OGN: variants seen among roughly 807,000 people sequenced by gnomAD.
The protein encoded by OGN is osteoglycin.
Under a neutral mutation model 30.8 loss-of-function variants are expected in OGN, and 19 were observed. That is an observed-to-expected ratio of 0.62 (90% CI 0.43 to 0.90). The LOEUF is 0.90. Ranked by LOEUF, OGN falls within the 40% of genes least tolerant of loss-of-function variation. The pLI is 0.00. For synonymous variants in OGN, 126 were observed against 128.3 expected (o/e 0.98, Z 0.12); for missense variants, 283 against 349.7 (o/e 0.81, Z 1.52).
chr9:92,399,232 A>G (rs1018855650), intron 3 of OGN, among the ~76,000 whole-genome samples: 2 of 152,082 alleles, frequency 1.3e-5, no homozygotes, highest in African/African-American at 4.8e-5. Context: ...ATGTGTTGTC[A>G]TACTTCAATT....
chr9:92,393,419 A>G (rs756655932), intron 3 of OGN, among the ~76,000 whole-genome samples, 175 bp from the exon 4 acceptor site: 12 of 152,194 alleles, frequency 7.9e-5, no homozygotes, highest in Non-Finnish European at 1.8e-4. Flanking sequence ...ATAATTCACC[A>G]GAATATTGTT....
chr9:92,401,188 A>G lies in OGN; in HGVS notation c.175-3T>C. Reference sequence around the variant, plus strand: ...GGTATTATCACAGTTTCTTTTTCCTATTGGAAAAATAAAAGTTTGTTACCT... The same window carrying G: ...GGTATTATCACAGTTTCTTTTTCCTGTTGGAAAAATAAAAGTTTGTTACCT... On this transcript the variant is annotated splice_region_variant and splice_polypyrimidine_tract_variant and intron_variant, in intron 2 of 6. Transcript: ENST00000375561. 7.3e-7 allele frequency: 1 copy of G among 1,370,142 alleles called. No individual in the cohort carries two copies. Among genetic ancestry groups the G allele is most frequent in the Non-Finnish European group, 1.0e-6 (1 of 966,882 alleles). The allele number at this position is 1,370,142 out of a possible 1,614,324, so 84.9% of individuals were successfully genotyped here.
In OGN at chr9:92,393,207, G is replaced by A. The variant is rs780638690; in HGVS notation, c.306C>T (p.Gly102=). 1.2e-6 allele frequency: 2 copies of A among 1,609,668 alleles called. No individual in the cohort carries two copies. Among genetic ancestry groups the A allele is most frequent in the Admixed American group, 3.3e-5 (2 of 59,768 alleles). The change falls in exon 4 of 7, where the codon GGC becomes GGT. Residue 102 remains glycine (G), a synonymous_variant. Coordinates refer to ENST00000375561, the MANE Select transcript of OGN (RefSeq NM_014057.5). ...PTCLLCVCLS[G]SVYCEEVDID... The stretch of plus-strand genomic sequence containing the variant: ...TGTCAACTTCTTCACAGTATACAGA[G>A]CCACTTAAACAAACACACAGCAGAC...
chr9:92,390,593 C>T (rs892660621), intron 4 of OGN, among the ~76,000 whole-genome samples: 3 of 144,372 alleles, frequency 2.1e-5, no homozygotes, highest in South Asian at 2.3e-4. Context: ...TGTGTGCGCG[C>T]GCGCGTACTT....
At chr9:92,400,219 C>A (rs573017566) in intron 3 of OGN, among the ~76,000 whole-genome samples, 1 of 152,106 alleles carries the variant, frequency 6.6e-6, no homozygotes, top group Non-Finnish European at 1.5e-5. Flanking sequence ...GGCACGACCT[C>A]GGCTCACCGC....
rs550016368 is a variant in OGN, at chr9:92,404,448, G to A, written c.-76+48C>T. 3.4e-5 allele frequency: 39 copies of A among 1,154,568 alleles called. No homozygotes were observed. In the African/African-American group the frequency reaches 4.5e-4, roughly 13 times the overall value. The allele number at this position is 1,154,568 out of a possible 1,614,324, so 71.5% of individuals were successfully genotyped here. A position where few individuals can be genotyped will look rare whatever the true frequency, so the allele number is the denominator to read the frequency against. ...ATTAAGACTATTAGATGAGTCAGTCGCACTTTAACAAACAATATTTAAAAT... is the reference window on the plus strand; with the variant it reads ...ATTAAGACTATTAGATGAGTCAGTCACACTTTAACAAACAATATTTAAAAT... On this transcript the variant is annotated intron_variant, in intron 1 of 6. Transcript: ENST00000375561.
In OGN at chr9:92,403,422, A is replaced by T; in HGVS notation, c.-15T>A. The T allele has an allele frequency of 6.3e-7, 1 of 1,591,736 alleles. No individual in the cohort carries two copies. On this transcript the variant is annotated 5_prime_UTR_variant, in exon 2 of 7. In the 5' UTR this introduces an upstream ATG that the reference lacks. Transcript: ENST00000375561. Reference sequence around the variant, plus strand: ...AGAGTCTTCATTTTAGCAAAAATCAAGGTGACTGGAAGTTAATAAACTAGT... The same window carrying T: ...AGAGTCTTCATTTTAGCAAAAATCATGGTGACTGGAAGTTAATAAACTAGT...
In OGN at chr9:92,396,991, C is replaced by T. The variant is rs1020609731; in HGVS notation, c.269-3747G>A. On this transcript the variant is annotated intron_variant, in intron 3 of 6. Transcript: ENST00000375561. The stretch of plus-strand genomic sequence containing the variant: ...AGGAGTTTGAGACCAACCTGGGCAA[C>T]ATGATGAAACCTCATCTCTACAAAA... Among the ~76,000 whole-genome samples the T allele has an allele frequency of 3.3e-5, 5 of 151,662 alleles. No homozygotes were observed. The East Asian group carries it at 5.9e-4, about 18-fold the overall frequency.
At chr9:92,392,078 A>G (rs918672498) in intron 4 of OGN, among the ~76,000 whole-genome samples, 1 of 152,018 alleles carries the variant, frequency 6.6e-6, no homozygotes, top group Non-Finnish European at 1.5e-5. Context: ...GAAATTAGTG[A>G]TCTAGGACTG....
chr9:92,399,250 A>G (rs964599434), intron 3 of OGN, among the ~76,000 whole-genome samples: 5 of 152,126 alleles, frequency 3.3e-5, no homozygotes, highest in South Asian at 2.1e-4. Flanking sequence ...ATTTTTTTCA[A>G]TCAGATAGGT....
At position 92,393,450 on chromosome 9, in the gene OGN, GT is replaced by G. The variant is rs1256317337; in HGVS notation, c.269-207del. On this transcript the variant is annotated intron_variant, in intron 3 of 6. Coordinates refer to ENST00000375561, the MANE Select transcript of OGN (RefSeq NM_014057.5). ...TTGTTTGAGAATCTCTTTTTATTTT[GT>G]TTTACTGGTGATTGCTTAAATGCTG... Among the ~76,000 whole-genome samples the G allele has an allele frequency of 2.0e-5, 3 of 152,182 alleles. No individual in the cohort carries two copies. In the East Asian group the frequency reaches 5.8e-4, roughly 29 times the overall value.
At chr9:92,388,134 A>C (rs1191908074) in intron 5 of OGN, among the ~76,000 whole-genome samples, 1 of 151,992 alleles carries the variant, frequency 6.6e-6, no homozygotes, top group Non-Finnish European at 1.5e-5. Context: ...CAGAATATTC[A>C]AATGTTCTTT....
At chr9:92,386,043 G>A (rs2130879847) in intron 6 of OGN, among the ~76,000 whole-genome samples, 158 bp downstream of exon 6, 1 of 152,284 alleles carries the variant, frequency 6.6e-6, no homozygotes, top group Middle Eastern at 3.4e-3. Context: ...AAGTTCATGA[G>A]CCTAGTATTA....
In OGN at chr9:92,389,931, G is replaced by C; in HGVS notation, c.553C>G (p.Leu185Val). ...TTAAATAAAGTGAGCTTGGGAGGAA[G>C]AACTGGAAGTTTTAGTAGTTGATTT... ...AENQLLKLPV[L>V]PPKLTLFNAK... The change falls in exon 5 of 7, where the codon CTT becomes GTT. Residue 185 changes from leucine (L) to valine (V), a missense_variant. Physicochemically the swap from Leu to Val is conservative, Grantham distance 32. Coordinates refer to ENST00000375561, the MANE Select transcript of OGN (RefSeq NM_014057.5). 1 of 1,613,238 alleles carries C rather than the reference G, an allele frequency of 6.2e-7. No homozygotes were observed. Among genetic ancestry groups the C allele is most frequent in the South Asian group, 1.1e-5 (1 of 91,026 alleles).
intron 4 of OGN, among the ~76,000 whole-genome samples, chr9:92,391,481 C>T (rs1177830625): frequency 6.6e-6 from 1 of 151,908 alleles, no homozygotes; most frequent in Non-Finnish European, 1.5e-5. Context: ...TGCCTGTAGT[C>T]TCAGCTACTT....
chr9:92,404,581 G>A, upstream of OGN: 1 of 1,292,860 alleles, frequency 7.7e-7, no homozygotes, highest in Non-Finnish European at 1.0e-6. Flanking sequence ...GGGTGAATGA[G>A]AAAAGCTATG....
intron 3 of OGN, 72 bp downstream of exon 3, chr9:92,401,020 T>A: frequency 1.4e-6 from 1 of 726,952 alleles, no homozygotes. Context: ...AGTTTTTGAT[T>A]ACCACAAGGA....
At position 92,384,720 on chromosome 9, in the gene OGN, A is replaced by C. The variant is rs1842356090; in HGVS notation, c.*900T>G. On this transcript the variant is annotated 3_prime_UTR_variant, in exon 7 of 7. Transcript: ENST00000375561. The stretch of plus-strand genomic sequence containing the variant: ...AGGTAGTGTGCACTGGCACCACAGA[A>C]TATTCTGTTTTCATCTTATGCTTGA... The C allele has an allele frequency of 6.6e-6, 1 of 152,122 alleles. No homozygotes were observed. Among genetic ancestry groups the C allele is most frequent in the Non-Finnish European group, 1.5e-5 (1 of 67,990 alleles). The allele number at this position is 152,122 out of a possible 1,614,324, so 9.4% of individuals were successfully genotyped here.
chr9:92,401,027 A>G, intron 3 of OGN, 65 bp downstream of exon 3: 1 of 765,492 alleles, frequency 1.3e-6, no homozygotes, highest in Non-Finnish European at 2.2e-6. Context: ...GATTACCACA[A>G]GGAATAAAGT....
Sources: allele counts gnomAD v4.1 joint callset (sites outside exome capture counted in the v4.1 genomes callset), GRCh38; gene constraint gnomAD v4.1.1; transcripts MANE v1.5; gene names NCBI Gene and HGNC (gene_info 2026-07-23, HGNC 2026-07-21).